The following CES5A variants were observed in gnomAD, a reference collection of about 807,000 sequenced individuals.
CES5A encodes the protein carboxylesterase 5.
CES5A carries 67 observed loss-of-function variants against 62.9 expected under a neutral mutation model. That is an observed-to-expected ratio of 1.07 (90% CI 0.88 to 1.31). CES5A has a LOEUF of 1.31. Ranked by LOEUF, CES5A falls within the 50% of genes most tolerant of loss-of-function variation. The pLI, the probability that CES5A is intolerant of heterozygous loss-of-function variation, is 0.00. For synonymous variants in CES5A, 296 were observed against 280.8 expected, an observed-to-expected ratio of 1.05 and a Z score of -0.54; for missense variants, 748 against 708.5, an observed-to-expected ratio of 1.06 and a Z score of -0.63.
intron 5 of CES5A, among the ~76,000 whole-genome samples, chr16:55,864,465 AC>A (rs1721236955): frequency 6.6e-6 from 1 of 152,172 alleles, no homozygotes; most frequent in African/African-American, 2.4e-5. Context: ...TTGCTTCCAA[AC>A]CTGTTTTGTC....
rs181257895 is a variant in CES5A at position 55,919,009 on chromosome 16, G to T, written c.-256+6314C>A. 2.4e-4 allele frequency among the ~76,000 whole-genome samples: 36 copies of T among 152,256 alleles called. No individual in the cohort carries two copies. In the South Asian group the frequency reaches 5.4e-3, roughly 23 times the overall value. The stretch of plus-strand genomic sequence containing the variant: ...TCTATGGGTCTATCCCATCTTATGG[G>T]GCAGATTTCATCCTGGAGCCTTGGA... On this transcript the variant is annotated intron_variant, in intron 1 of 12. Coordinates refer to the CES5A transcript ENST00000518005.
chr16:55,919,998 C>T (rs7199946), intron 1 of CES5A, among the ~76,000 whole-genome samples: 49,310 of 152,102 alleles, frequency 0.32, 8,266 homozygotes, highest in African/African-American at 0.37. Flanking sequence ...AATGGTAGCA[C>T]AGAAGCAAGC....
intron 11 of CES5A, among the ~76,000 whole-genome samples, chr16:55,848,630 G>T (rs566051715): frequency 4.6e-5 from 7 of 152,018 alleles, no homozygotes; most frequent in Admixed American, 4.6e-4. Context: ...TTTCTTTTCC[G>T]TGAACTATCT....
chr16:55,872,147 C>A (rs570412232), intron 2 of CES5A, among the ~76,000 whole-genome samples: 1 of 152,266 alleles, frequency 6.6e-6, no homozygotes, highest in Admixed American at 6.5e-5. Context: ...AAGGGCTTTG[C>A]CCCTGCGGCT....
At chr16:55,946,999 A>G (rs1053446456) in intron 2 of CES5A, among the ~76,000 whole-genome samples, 1 of 152,176 alleles carries the variant, frequency 6.6e-6, no homozygotes, top group Non-Finnish European at 1.5e-5. Flanking sequence ...ATGACATACA[A>G]TCTGCCCAAT....
At chr16:55,917,747 C>A (rs2034161987) in intron 1 of CES5A, among the ~76,000 whole-genome samples, 1 of 152,080 alleles carries the variant, frequency 6.6e-6, no homozygotes, top group African/African-American at 2.4e-5. Context: ...TAAATCCAGC[C>A]CACACTCAAG....
At chr16:55,870,633 G>T (rs2033563213) in intron 3 of CES5A, among the ~76,000 whole-genome samples, 1 of 152,170 alleles carries the variant, frequency 6.6e-6, no homozygotes, top group Non-Finnish European at 1.5e-5. Flanking sequence ...GGATGGCAAA[G>T]GTCGCAGTGA....
Position 55,949,998 on chromosome 16 carries a change from TAAC to T in CES5A, c.43-99_43-97del, listed in dbSNP as rs1168026731. ...CCAATACAGCATATAAGTAAGAATA[TAAC>T]AACATATAATAATAAAAATCCATAA... On this transcript the variant is annotated intron_variant, in intron 1 of 13. Coordinates refer to the CES5A transcript ENST00000521992. 9.1e-6 allele frequency: 4 copies of T among 437,938 alleles called. No individual in the cohort carries two copies. In the Admixed American group the frequency reaches 1.7e-4, roughly 19 times the overall value. The allele number at this position is 437,938 out of a possible 1,614,324, so 27.1% of individuals were successfully genotyped here. A position where few individuals can be genotyped will look rare whatever the true frequency, so the allele number is the denominator to read the frequency against.
At position 55,863,436 on chromosome 16, in the gene CES5A, G is replaced by T; in HGVS notation, c.722C>A (p.Ala241Asp). Reference sequence around the variant, plus strand: ...GATGGCTTTGTGGAATAAGCCTTTGGCCATGGGAGACAGTATCTGGAGAGA... The same window carrying T: ...GATGGCTTTGTGGAATAAGCCTTTGTCCATGGGAGACAGTATCTGGAGAGA... ...SVSSLILSPMAKGLFHKAIME... is the reference protein window; with the variant it reads ...SVSSLILSPMDKGLFHKAIME... The change falls in exon 6 of 13, where the codon GCC becomes GAC. Residue 241 changes from alanine (A) to aspartate (D), a missense_variant. Coordinates refer to ENST00000290567, the MANE Select transcript of CES5A (RefSeq NM_001143685.2). 6.3e-7 allele frequency: 1 copy of T among 1,593,322 alleles called. No individual in the cohort carries two copies. Among genetic ancestry groups the T allele is most frequent in the South Asian group, 1.1e-5 (1 of 90,582 alleles).
intron 2 of CES5A, among the ~76,000 whole-genome samples, chr16:55,949,171 C>T (rs1490070418): frequency 6.6e-6 from 1 of 152,174 alleles, no homozygotes; most frequent in African/African-American, 2.4e-5. Context: ...TGAAGTTTAG[C>T]AGGCATGAGG....
At chr16:55,920,086 G>T (rs1266267055) in intron 1 of CES5A, among the ~76,000 whole-genome samples, 1 of 152,116 alleles carries the variant, frequency 6.6e-6, no homozygotes, top group African/African-American at 2.4e-5. Flanking sequence ...ATTATCATCA[G>T]AAATAACCCA....
At chr16:55,862,337 G>C (rs572117521) in intron 6 of CES5A, among the ~76,000 whole-genome samples, 1 of 152,156 alleles carries the variant, frequency 6.6e-6, no homozygotes, top group African/African-American at 2.4e-5. Context: ...CAAGCATGTG[G>C]AGTCTGGTAC....
chr16:55,924,070 A>G (rs879675334), intron 1 of CES5A, among the ~76,000 whole-genome samples: 1 of 151,988 alleles, frequency 6.6e-6, no homozygotes, highest in Admixed American at 6.6e-5. Flanking sequence ...GGCCGGAGTA[A>G]TTAGGCAAGA....
intron 1 of CES5A, among the ~76,000 whole-genome samples, chr16:55,883,169 G>A (rs1250199119): frequency 2.0e-5 from 3 of 152,340 alleles, no homozygotes; most frequent in Middle Eastern, 3.4e-3. Context: ...GTAGTCTACA[G>A]TCATTCTCCA....
chr16:55,885,913 A>G (rs2033810806), intron 1 of CES5A, among the ~76,000 whole-genome samples: 1 of 152,244 alleles, frequency 6.6e-6, no homozygotes, highest in Non-Finnish European at 1.5e-5. Flanking sequence ...CATTTGGTAC[A>G]TTAGAAATAG....
Position 55,873,858 on chromosome 16 carries a change from G to A in CES5A, c.253C>T (p.Arg85Ter), listed in dbSNP as rs150887724. The change falls in exon 2 of 13, where the codon CGA becomes TGA. Residue 85 changes from arginine (R) to a stop codon, truncating the protein, a stop_gained. Coordinates refer to ENST00000290567, the MANE Select transcript of CES5A (RefSeq NM_001143685.2). LOFTEE classifies it high-confidence loss of function. ...AAATTAGGGTAGGAGGTGGCTTCTCGCAAGTTATCCCAGGGCGATGCAGGC... is the reference window on the plus strand; with the variant it reads ...AAATTAGGGTAGGAGGTGGCTTCTCACAAGTTATCCCAGGGCGATGCAGGC... ...PQPASPWDNL[R>*]EATSYPNLCL... 9.9e-6 allele frequency: 16 copies of A among 1,613,074 alleles called. No homozygotes were observed. Among genetic ancestry groups the A allele is most frequent in the Middle Eastern group, 1.6e-4 (1 of 6,078 alleles).
At position 55,855,905 on chromosome 16, in the gene CES5A, G is replaced by T. The variant is rs557716909; in HGVS notation, c.1125+472C>A. 2.7e-3 allele frequency among the ~76,000 whole-genome samples: 413 copies of T among 152,242 alleles called. 2 individuals carry two copies. Among genetic ancestry groups the T allele is most frequent in the African/African-American group, 9.0e-3 (374 of 41,538 alleles). ...AGGTGGGGCCTGATGGGAGGTGATT[G>T]GATCGTAGGGGCAGTTTCTCATGAA... On this transcript the variant is annotated intron_variant, in intron 9 of 12. Coordinates refer to ENST00000290567, the MANE Select transcript of CES5A (RefSeq NM_001143685.2).
intron 1 of CES5A, among the ~76,000 whole-genome samples, chr16:55,912,069 T>TG (rs1380377146): frequency 1.3e-5 from 2 of 152,190 alleles, no homozygotes; most frequent in African/African-American, 4.8e-5. Flanking sequence ...CTCACAGGCC[T>TG]TGTATCAACT....
At position 55,869,616 on chromosome 16, in the gene CES5A, G is replaced by A; in HGVS notation, c.546C>T (p.Phe182=). Residue 182 remains phenylalanine (F), a synonymous_variant, in exon 4 of 13, where the codon TTC becomes TTT. Coordinates refer to ENST00000290567, the MANE Select transcript of CES5A (RefSeq NM_001143685.2). ...CATCATTTGGAGAGACTCACGTGAA[G>A]AAACCAAATATTCCTAGCCGGTACT... ...VVQYRLGIFG[F]FTTWDQHAPG... 6.2e-7 allele frequency: 1 copy of A among 1,613,812 alleles called. No homozygotes were observed. Among genetic ancestry groups the A allele is most frequent in the Non-Finnish European group, 8.5e-7 (1 of 1,179,904 alleles).
Sources: gnomAD v4.1 joint callset for allele counts (sites outside exome capture counted in the v4.1 genomes callset) on GRCh38, gnomAD v4.1.1 for gene constraint, MANE v1.5 for transcripts, NCBI Gene and HGNC (gene_info 2026-07-23, HGNC 2026-07-21) for gene names.